The following COLGALT2 variants were observed in gnomAD, a reference collection of about 807,000 sequenced individuals.
The protein encoded by COLGALT2 is procollagen galactosyltransferase 2.
In COLGALT2, 49 loss-of-function variants were observed where a neutral mutation model predicts 73.4. The ratio of observed to expected loss-of-function variants is 0.67; its 90% CI spans 0.53 to 0.85. The LOEUF (loss-of-function observed/expected upper bound fraction) is 0.85, where lower values mean the gene tolerates loss of function less well. Among genes scored for constraint, COLGALT2 ranks in the 40% least tolerant of loss-of-function variants. The pLI is 0.00. For missense variants in COLGALT2, 722 were observed against 790.2 expected, an observed-to-expected ratio of 0.91 and a Z score of 1.03; for synonymous variants, 295 against 307.6, an observed-to-expected ratio of 0.96 and a Z score of 0.43.
intron 8 of COLGALT2, among the ~76,000 whole-genome samples, chr1:183,947,568 G>C (rs1293687008): frequency 1.3e-5 from 2 of 152,120 alleles, no homozygotes; most frequent in Non-Finnish European, 2.9e-5. Context: ...TGAAAACACA[G>C]CATACCAAAA....
intron 6 of COLGALT2, among the ~76,000 whole-genome samples, chr1:183,961,362 A>G (rs1364927302): frequency 6.7e-6 from 1 of 148,496 alleles, no homozygotes; most frequent in Non-Finnish European, 1.5e-5. Flanking sequence ...GAGAGCTTAT[A>G]CTCTCAGCCC....
Position 183,938,120 on chromosome 1 carries a change from TCCAAC to T in COLGALT2, c.*636_*640del, listed in dbSNP as rs1195359522. The T allele has an allele frequency of 1.0e-6, 1 of 985,452 alleles. No homozygotes were observed. The highest frequency in any genetic ancestry group is 1.2e-6 in the Non-Finnish European group (1 of 830,204). The allele number at this position is 985,452 out of a possible 1,614,324, so 61.0% of individuals were successfully genotyped here. On this transcript the variant is annotated 3_prime_UTR_variant, in exon 12 of 12. Transcript: ENST00000361927. ...AAACTGGTCACCTCTATATGAGAACTCCAACTGCCATGATGGTCACAGGCCAAGTC... is the reference window on the plus strand; with the variant it reads ...AAACTGGTCACCTCTATATGAGAACTTGCCATGATGGTCACAGGCCAAGTC...
At chr1:183,945,790 C>A in intron 8 of COLGALT2, 1 of 557,198 alleles carries the variant, frequency 1.8e-6, no homozygotes, top group South Asian at 2.4e-5. Flanking sequence ...CTCATAGTGC[C>A]CAACATAGTT....
rs2102790514 is a variant in COLGALT2 at position 183,944,269 on chromosome 1, C to T, written c.1324G>A (p.Glu442Lys). Residue 442 changes from glutamate to lysine, a missense_variant, in exon 10 of 12, where the codon GAG becomes AAG. Glu to Lys is a moderately conservative substitution (Grantham distance 56, BLOSUM62 1). Transcript: ENST00000361927. ...ATCAGCTTCTTCTTAAACTGATGCT[C>T]AAAACGCACATCGTCTTCAATTACA... ...TLVIEDDVRF[E>K]HQFKKKLMKL... 1 of 1,614,010 alleles carries T rather than the reference C, an allele frequency of 6.2e-7. No individual in the cohort carries two copies. Among genetic ancestry groups the T allele is most frequent in the South Asian group, 1.1e-5 (1 of 91,010 alleles).
At chr1:184,003,224 C>T (rs577977935) in intron 1 of COLGALT2, among the ~76,000 whole-genome samples, 28 of 152,250 alleles carry the variant, frequency 1.8e-4, no homozygotes, top group African/African-American at 6.5e-4. Context: ...GGATTAGGTC[C>T]CCTCCTCTTA....
chr1:183,978,312 T>C, intron 2 of COLGALT2, 98 bp downstream of exon 2: 1 of 658,234 alleles, frequency 1.5e-6, no homozygotes, highest in East Asian at 2.6e-5. Context: ...TGAAAGACAA[T>C]GAAAAGTCAC....
chr1:183,943,477 G>A (rs1670168376), intron 10 of COLGALT2, among the ~76,000 whole-genome samples: 1 of 151,732 alleles, frequency 6.6e-6, no homozygotes, highest in African/African-American at 2.4e-5. Context: ...AGAAGAAAAA[G>A]GAAAGAGGAA....
intron 1 of COLGALT2, among the ~76,000 whole-genome samples, chr1:183,996,970 C>CA (rs977160035): frequency 3.9e-4 from 59 of 152,150 alleles, no homozygotes; most frequent in African/African-American, 1.3e-3. Context: ...GGAAGGGGGT[C>CA]AATACACATG....
chr1:183,992,852 A>T (rs1172794189), intron 1 of COLGALT2, among the ~76,000 whole-genome samples: 1 of 152,138 alleles, frequency 6.6e-6, no homozygotes, highest in Non-Finnish European at 1.5e-5. Context: ...GGGATCATGT[A>T]TCTCTTCTTT....
At chr1:183,994,371 G>A (rs762733370) in intron 1 of COLGALT2, among the ~76,000 whole-genome samples, 1 of 151,758 alleles carries the variant, frequency 6.6e-6, no homozygotes, top group South Asian at 2.1e-4. Context: ...CTAGGAAGTA[G>A]GTATTCTCCG....
chr1:184,021,303 A>T (rs1432460395), intron 1 of COLGALT2, among the ~76,000 whole-genome samples: 1 of 152,176 alleles, frequency 6.6e-6, no homozygotes. Context: ...TTAGTGACTT[A>T]TATGGTTTGA....
At chr1:183,985,686 G>T (rs10911481) in intron 1 of COLGALT2, among the ~76,000 whole-genome samples, 1 of 152,038 alleles carries the variant, frequency 6.6e-6, no homozygotes, top group South Asian at 2.1e-4. Context: ...AGAGGTCTGC[G>T]ATTGGTGGAG....
chr1:183,999,536 T>A (rs1671859494), intron 1 of COLGALT2, among the ~76,000 whole-genome samples: 1 of 152,128 alleles, frequency 6.6e-6, no homozygotes, highest in Non-Finnish European at 1.5e-5. Context: ...AATGTTGGAA[T>A]GATCTTTTCA....
chr1:183,943,924 C>T (rs920838848), intron 10 of COLGALT2, among the ~76,000 whole-genome samples: 1 of 152,226 alleles, frequency 6.6e-6, no homozygotes. Context: ...CTCAGTGCCA[C>T]ACCTTGGTTC....
intron 1 of COLGALT2, among the ~76,000 whole-genome samples, chr1:183,989,675 A>C (rs1376522609): frequency 2.0e-5 from 3 of 152,264 alleles, no homozygotes; most frequent in Admixed American, 2.0e-4. Context: ...ATTAATCCTG[A>C]GTTCCTTGAC....
At chr1:183,977,037 T>G (rs1671215088) in intron 2 of COLGALT2, among the ~76,000 whole-genome samples, 1 of 152,224 alleles carries the variant, frequency 6.6e-6, no homozygotes, top group Non-Finnish European at 1.5e-5. Context: ...ATATAAGTCT[T>G]AGGTGTTTGA....
intron 11 of COLGALT2, among the ~76,000 whole-genome samples, chr1:183,939,575 G>C (rs1296605262): frequency 6.6e-6 from 1 of 152,182 alleles, no homozygotes; most frequent in Non-Finnish European, 1.5e-5. Context: ...TCTGAATGTA[G>C]TAATTTCCCT....
intron 1 of COLGALT2, among the ~76,000 whole-genome samples, chr1:184,035,776 T>TA (rs61373909): frequency 3.5e-4 from 53 of 151,820 alleles, no homozygotes; most frequent in African/African-American, 6.3e-4. Context: ...CCGAAGTGGT[T>TA]AAAAAAAAAT....
intron 8 of COLGALT2, 198 bp from the exon 9 acceptor site, chr1:183,945,762 T>C: frequency 1.6e-6 from 1 of 614,310 alleles, no homozygotes; most frequent in South Asian, 2.2e-5. Flanking sequence ...CAAGAGGGTA[T>C]CATATTTTTG....
Sources: gnomAD v4.1 joint callset for allele counts (sites outside exome capture counted in the v4.1 genomes callset) on GRCh38, gnomAD v4.1.1 for gene constraint, MANE v1.5 for transcripts, NCBI Gene and HGNC (gene_info 2026-07-23, HGNC 2026-07-21) for gene names.